Variants in SLC9D1 observed in about 807,000 individuals in gnomAD.
SLC9D1 encodes the protein putative LAG1-interacting protein.
the SLC9D1 span, among the ~76,000 whole-genome samples, chr13:113,524,345 C>CT: frequency 6.6e-6 from 1 of 152,042 alleles, no homozygotes; most frequent in Admixed American, 6.6e-5. Flanking sequence ...TGTAATATTT[C>CT]TTTTTTTGTT....
the SLC9D1 span, among the ~76,000 whole-genome samples, chr13:113,544,925 A>T: frequency 3.7e-4 from 56 of 152,334 alleles, 1 homozygote; most frequent in South Asian, 0.011. Flanking sequence ...GCCTTTGTGG[A>T]AGATGCCTGC....
At chr13:113,525,485 T>C in the SLC9D1 span, among the ~76,000 whole-genome samples, 1 of 152,254 alleles carries the variant, frequency 6.6e-6, no homozygotes, top group Non-Finnish European at 1.5e-5. Context: ...CTTCTACTTA[T>C]AAAGAGAAGT....
At chr13:113,548,302 G>C in the SLC9D1 span, 1 of 1,613,970 alleles carries the variant, frequency 6.2e-7, no homozygotes, top group Non-Finnish European at 8.5e-7. Context: ...CGCTCTTGCA[G>C]TTTCTCCTGG....
chr13:113,498,483 G>C, the SLC9D1 span: 14 of 1,592,664 alleles, frequency 8.8e-6, no homozygotes, highest in Non-Finnish European at 1.2e-5. Flanking sequence ...TCGTCTGGAG[G>C]AAGAGATAGA....
At chr13:113,509,488 C>T in the SLC9D1 span, among the ~76,000 whole-genome samples, 46 of 149,000 alleles carry the variant, frequency 3.1e-4, no homozygotes, top group South Asian at 4.2e-4. Flanking sequence ...TGGGCTCTCC[C>T]GGAGCCGCAT....
chr13:113,501,858 C>A, the SLC9D1 span: 1 of 1,611,488 alleles, frequency 6.2e-7, no homozygotes, highest in Non-Finnish European at 8.5e-7. Context: ...CTTCTGGGAC[C>A]TTCAGGACTA....
chr13:113,546,284 G>A, the SLC9D1 span, among the ~76,000 whole-genome samples: 1 of 151,980 alleles, frequency 6.6e-6, no homozygotes, highest in Admixed American at 6.5e-5. The surrounding 1 kb of genome is among the most constrained non-coding windows in gnomAD (Gnocchi z 7.1). Context: ...GCTGACAGCT[G>A]GGGAGAGAGG....
the SLC9D1 span, among the ~76,000 whole-genome samples, chr13:113,509,885 C>T: frequency 0.025 from 3,852 of 152,300 alleles, 101 homozygotes; most frequent in East Asian, 0.12. Context: ...CCAACATTTA[C>T]TGGCCACGTG....
the SLC9D1 span, among the ~76,000 whole-genome samples, chr13:113,519,948 A>T: frequency 1.3e-4 from 20 of 152,360 alleles, no homozygotes; most frequent in Admixed American, 2.0e-4. Context: ...TAGCTCAGGG[A>T]AGCTGTAAAG....
At chr13:113,495,682 A>T in the SLC9D1 span, 3 of 1,611,812 alleles carry the variant, frequency 1.9e-6, no homozygotes, top group East Asian at 2.2e-5. Context: ...CGTGTGATCA[A>T]ACTGCACCGC....
chr13:113,514,094 C>G, the SLC9D1 span, among the ~76,000 whole-genome samples: 1 of 152,114 alleles, frequency 6.6e-6, no homozygotes, highest in Non-Finnish European at 1.5e-5. Flanking sequence ...TCCTTATAAC[C>G]TTAGGGTAGA....
chr13:113,549,774 C>G, the SLC9D1 span: 1 of 691,826 alleles, frequency 1.4e-6, no homozygotes, highest in Middle Eastern at 2.5e-4. Context: ...CGGGACACTG[C>G]GTTTTACCGA....
chr13:113,516,981 CTCCGTGGGCA>C, the SLC9D1 span, among the ~76,000 whole-genome samples: 1 of 152,216 alleles, frequency 6.6e-6, no homozygotes, highest in Non-Finnish European at 1.5e-5. Context: ...CTCCAGAGGC[CTCCGTGGGCA>C]GGGCCTGCCC....
chr13:113,498,572 C>T, the SLC9D1 span: 2 of 1,385,922 alleles, frequency 1.4e-6, no homozygotes, highest in Non-Finnish European at 2.0e-6. Flanking sequence ...ACTCACTAAT[C>T]AGAAGACATG....
the SLC9D1 span, chr13:113,539,348 C>T: frequency 1.2e-6 from 2 of 1,611,132 alleles, no homozygotes; most frequent in South Asian, 2.2e-5. This position sits in a 1 kb window ranked among gnomAD's most constrained non-coding sequence, Gnocchi z 4.8. Flanking sequence ...TGCGTCCTGC[C>T]TCTCTCAGGT....
At chr13:113,506,559 G>A in the SLC9D1 span, among the ~76,000 whole-genome samples, 2 of 68,980 alleles carry the variant, frequency 2.9e-5, no homozygotes, top group Non-Finnish European at 5.0e-5. Context: ...GTGTGTGTGA[G>A]TGTGTGTGTG....
the SLC9D1 span, chr13:113,547,283 T>A: frequency 6.2e-7 from 1 of 1,609,534 alleles, no homozygotes; most frequent in South Asian, 1.1e-5. Context: ...GTAACGTGTC[T>A]GTCCTGTTCC....
the SLC9D1 span, among the ~76,000 whole-genome samples, chr13:113,537,508 A>G: frequency 6.6e-6 from 1 of 152,170 alleles, no homozygotes; most frequent in African/African-American, 2.4e-5. Flanking sequence ...ATTCCATTCC[A>G]GCATGTCAGA....
the SLC9D1 span, among the ~76,000 whole-genome samples, chr13:113,526,197 G>A: frequency 1.3e-5 from 2 of 152,108 alleles, no homozygotes; most frequent in African/African-American, 4.8e-5. Flanking sequence ...GTGTGTTTGT[G>A]TCTTAGTTTT....
Sources: allele counts gnomAD v4.1 joint callset (sites outside exome capture counted in the v4.1 genomes callset), GRCh38; gene constraint gnomAD v4.1.1; non-coding constraint Gnocchi (gnomAD v3.1); transcripts MANE v1.5; gene names NCBI Gene and HGNC (gene_info 2026-07-23, HGNC 2026-07-21).